PEPD: variants seen among roughly 807,000 people sequenced by gnomAD.
PEPD encodes the protein xaa-Pro dipeptidase.
Under a neutral mutation model 60.7 loss-of-function variants are expected in PEPD, and 53 were observed. The ratio of observed to expected loss-of-function variants is 0.87; its 90% confidence interval spans 0.70 to 1.10. The LOEUF (loss-of-function observed/expected upper bound fraction) is 1.10, where lower values mean the gene tolerates loss of function less well. Among genes scored for constraint, PEPD ranks in the 50% least tolerant of loss-of-function variants. The pLI is 0.00. For missense variants in PEPD, 711 were observed against 711.9 expected (o/e 1.00, Z 0.01); for synonymous variants, 267 against 284.1 (o/e 0.94, Z 0.60).
chr19:33,432,913 T>A (rs1003770174), intron 9 of PEPD, among the ~76,000 whole-genome samples: 3 of 152,234 alleles, frequency 2.0e-5, no homozygotes, highest in Non-Finnish European at 4.4e-5. Flanking sequence ...GCACACGCCT[T>A]CCAGAGGCAC....
intron 7 of PEPD, among the ~76,000 whole-genome samples, chr19:33,473,950 C>A (rs145678820): frequency 1.9e-4 from 29 of 152,258 alleles, no homozygotes; most frequent in Non-Finnish European, 3.1e-4. Flanking sequence ...GAATGACAGC[C>A]GAACAAAAAT....
intron 9 of PEPD, among the ~76,000 whole-genome samples, chr19:33,437,695 C>A (rs1028605728): frequency 6.6e-6 from 1 of 152,122 alleles, no homozygotes; most frequent in African/African-American, 2.4e-5. Flanking sequence ...GCAGAGAGCC[C>A]GTTGGAATAA....
chr19:33,425,506 T>C (rs1969126490), intron 9 of PEPD, among the ~76,000 whole-genome samples: 1 of 152,062 alleles, frequency 6.6e-6, no homozygotes, highest in African/African-American at 2.4e-5. Context: ...GGGCTGCTTT[T>C]AAGTTCACAT....
At position 33,463,046 on chromosome 19, in the gene PEPD, A is replaced by G; in HGVS notation, c.625-5T>C. The G allele has an allele frequency of 6.4e-7, 1 of 1,568,680 alleles. No homozygotes were observed. Among genetic ancestry groups the G allele is most frequent in the Non-Finnish European group, 8.8e-7 (1 of 1,138,592 alleles). ...CACTTTTACAGCCTTCATTACCTGG[A>G]GGACGGATATTAAGCAAAGACATTT... On this transcript the variant is annotated splice_polypyrimidine_tract_variant and splice_region_variant and intron_variant, in intron 8 of 14. Coordinates refer to ENST00000244137, the MANE Select transcript of PEPD (RefSeq NM_000285.4).
At chr19:33,487,150 T>C (rs1372941200) in intron 6 of PEPD, 2 of 152,174 alleles carry the variant, frequency 1.3e-5, no homozygotes, top group African/African-American at 2.4e-5. Flanking sequence ...GGGAATGCGG[T>C]TGCTGAGCGG....
Position 33,431,359 on chromosome 19 carries a change from C to A in PEPD, c.672-17716G>T, listed in dbSNP as rs562639641. 2.0e-5 allele frequency among the ~76,000 whole-genome samples: 3 copies of A among 152,324 alleles called. No individual in the cohort carries two copies. The South Asian group carries it at 6.2e-4, about 32-fold the overall frequency. ...TGAAATCACCCAAAATCTGAATGTC[C>A]AGGTCCCCGCCGGAGGCCAGGGCTG... is the stretch of plus-strand genomic sequence containing the variant. On this transcript the variant is annotated intron_variant, in intron 9 of 14. Coordinates refer to ENST00000244137, the MANE Select transcript of PEPD (RefSeq NM_000285.4).
chr19:33,482,808 T>C (rs751081010), intron 6 of PEPD, among the ~76,000 whole-genome samples: 11 of 152,148 alleles, frequency 7.2e-5, no homozygotes, highest in East Asian at 3.9e-4. Flanking sequence ...TACGTATCCA[T>C]AGAAAAAAAT....
rs530300580 is a variant in PEPD, at chr19:33,388,058, G to A, written c.1176C>T (p.Pro392=). The A allele has an allele frequency of 5.0e-5, 77 of 1,552,888 alleles. 1 individual carries two copies. The South Asian group carries it at 7.2e-4, about 15-fold the overall frequency. The change falls in exon 14 of 15, where the codon CCC becomes CCT. Residue 392 remains proline, a synonymous_variant. Coordinates refer to ENST00000244137, the MANE Select transcript of PEPD (RefSeq NM_000285.4). The part of the protein sequence containing the change: ...YPEGVERIDE[P]GLRSLRTARH... Reference sequence around the variant, plus strand: ...GTGCAGTGCGCAGGCTCCGCAGGCCGGGCTCGTCGATGCGCTCCACGCCCT... The same window carrying A: ...GTGCAGTGCGCAGGCTCCGCAGGCCAGGCTCGTCGATGCGCTCCACGCCCT...
chr19:33,392,226 A>G (rs1036484369), intron 12 of PEPD, among the ~76,000 whole-genome samples: 1 of 152,170 alleles, frequency 6.6e-6, no homozygotes, highest in Non-Finnish European at 1.5e-5. Context: ...GCCACCAAAG[A>G]GAGAACTTCC....
At chr19:33,411,819 G>A (rs890847959) in intron 10 of PEPD, 70 bp from the exon 11 acceptor site, 3 of 925,826 alleles carry the variant, frequency 3.2e-6, no homozygotes, top group Non-Finnish European at 5.3e-6. Context: ...GGGGGTGGAT[G>A]CTCGATCCCC....
chr19:33,496,700 C>A (rs1265056874), intron 4 of PEPD, among the ~76,000 whole-genome samples: 1 of 152,258 alleles, frequency 6.6e-6, no homozygotes, highest in Non-Finnish European at 1.5e-5. Flanking sequence ...TGTTAAATGA[C>A]CCTGCCTTGC....
At chr19:33,461,142 C>A (rs1441247836) in intron 9 of PEPD, among the ~76,000 whole-genome samples, 4 of 152,142 alleles carry the variant, frequency 2.6e-5, no homozygotes, top group African/African-American at 9.7e-5. Flanking sequence ...GAAAAAAGTT[C>A]TCACCAACTG....
intron 12 of PEPD, among the ~76,000 whole-genome samples, chr19:33,396,395 C>T (rs1968362869): frequency 6.6e-6 from 1 of 152,098 alleles, no homozygotes; most frequent in Non-Finnish European, 1.5e-5. Context: ...CTCTCCCAGC[C>T]ACCTGGTCAT....
intron 13 of PEPD, chr19:33,388,612 G>A (rs1451535224): frequency 2.3e-5 from 5 of 218,710 alleles, no homozygotes; most frequent in Non-Finnish European, 2.8e-5. Context: ...GACAGGTGCC[G>A]TCATCAGGGT....
At chr19:33,467,704 G>C (rs768383793) in intron 7 of PEPD, among the ~76,000 whole-genome samples, 1 of 152,150 alleles carries the variant, frequency 6.6e-6, no homozygotes, top group African/African-American at 2.4e-5. Flanking sequence ...GGGGAGGGGT[G>C]GTGTGGAGAG....
At chr19:33,442,614 C>T (rs1190060886) in intron 9 of PEPD, among the ~76,000 whole-genome samples, 1 of 151,626 alleles carries the variant, frequency 6.6e-6, no homozygotes, top group African/African-American at 2.4e-5. Context: ...GAGGCTGAGG[C>T]AGGAGAATAG....
intron 12 of PEPD, among the ~76,000 whole-genome samples, chr19:33,398,308 C>T (rs763007992): frequency 6.6e-6 from 1 of 152,238 alleles, no homozygotes; most frequent in Non-Finnish European, 1.5e-5. Flanking sequence ...GGAGGCTCAG[C>T]CCCTTGCAGC....
intron 6 of PEPD, among the ~76,000 whole-genome samples, chr19:33,485,760 G>A (rs896766331): frequency 6.6e-6 from 1 of 152,118 alleles, no homozygotes; most frequent in Non-Finnish European, 1.5e-5. Flanking sequence ...AATATGCAGG[G>A]TGATCTAAGT....
At chr19:33,467,918 G>A (rs1301097319) in intron 7 of PEPD, among the ~76,000 whole-genome samples, 1 of 152,142 alleles carries the variant, frequency 6.6e-6, no homozygotes, top group Non-Finnish European at 1.5e-5. Flanking sequence ...ACCAGGCACC[G>A]GTGATGGAGT....
Sources: gnomAD v4.1 joint callset for allele counts (sites outside exome capture counted in the v4.1 genomes callset) on GRCh38, gnomAD v4.1.1 for gene constraint, MANE v1.5 for transcripts, NCBI Gene and HGNC (gene_info 2026-07-23, HGNC 2026-07-21) for gene names.